Variants in WDFY4 observed in about 807,000 individuals in gnomAD.
WDFY4 encodes WD repeat- and FYVE domain-containing protein 4.
In WDFY4, 169 loss-of-function variants were observed where a neutral mutation model predicts 351.9. That is an observed-to-expected ratio of 0.48 (90% confidence interval 0.42 to 0.55). The LOEUF (loss-of-function observed/expected upper bound fraction) is 0.55. WDFY4 is among the 20% of genes least tolerant of loss of function. WDFY4 has a pLI of 0.00. For missense variants in WDFY4, 3,803 were observed against 3,935.6 expected, an observed-to-expected ratio of 0.97 and a Z score of 0.90; for synonymous variants, 1,622 against 1,574.6, an observed-to-expected ratio of 1.03 and a Z score of -0.71.
At chr10:48,823,579 T>G (rs956263315) in intron 35 of WDFY4, 1 of 1,065,876 alleles carries the variant, frequency 9.4e-7, no homozygotes, top group African/African-American at 1.6e-5. Flanking sequence ...CAAAGGCTTC[T>G]TCAGGAACAA....
At chr10:48,920,606 A>G (rs1838985510) in intron 47 of WDFY4, among the ~76,000 whole-genome samples, 1 of 152,262 alleles carries the variant, frequency 6.6e-6, no homozygotes, top group South Asian at 2.1e-4. Context: ...GTTTGGGACT[A>G]AGACAAGAGA....
chr10:48,893,980 C>G (rs940093195), intron 44 of WDFY4, among the ~76,000 whole-genome samples: 1 of 152,132 alleles, frequency 6.6e-6, no homozygotes, highest in Non-Finnish European at 1.5e-5. Flanking sequence ...TACCCAGTAC[C>G]CTTGACTGCC....
intron 43 of WDFY4, among the ~76,000 whole-genome samples, chr10:48,887,982 A>G (rs904087328): frequency 1.3e-5 from 2 of 152,248 alleles, no homozygotes; most frequent in African/African-American, 2.4e-5. Context: ...AGACAGCTCT[A>G]TGATAAATGA....
chr10:48,956,834 GT>G (rs1841613736), intron 51 of WDFY4, among the ~76,000 whole-genome samples: 1 of 152,202 alleles, frequency 6.6e-6, no homozygotes. Flanking sequence ...CTCAGATGTG[GT>G]TTTCCTGTTT....
intron 4 of WDFY4, among the ~76,000 whole-genome samples, chr10:48,721,663 G>A (rs1040605626): frequency 3.3e-5 from 5 of 152,152 alleles, no homozygotes; most frequent in Non-Finnish European, 7.4e-5. Context: ...TGGGGTTAGT[G>A]TAGGATTGAT....
At chr10:48,961,702 AAG>A (rs1464347201) in intron 53 of WDFY4, among the ~76,000 whole-genome samples, 1 of 152,178 alleles carries the variant, frequency 6.6e-6, no homozygotes, top group East Asian at 1.9e-4. Flanking sequence ...AGAAGAAGGG[AAG>A]ATATGGCCAG....
intron 39 of WDFY4, among the ~76,000 whole-genome samples, chr10:48,847,587 C>A (rs888847797): frequency 3.9e-5 from 6 of 151,914 alleles, no homozygotes; most frequent in African/African-American, 1.5e-4. Context: ...AGAATGAGGC[C>A]GACAGAGATG....
At position 48,806,141 on chromosome 10, in the gene WDFY4, G is replaced by A. The variant is rs180831392; in HGVS notation, c.4738+46G>A. ...TCGAAGGCAGTAGGACGGCCCTCAC[G>A]GAACCCCTGAGAGGCCCACATTGTG... On this transcript the variant is annotated intron_variant, in intron 27 of 61. Coordinates refer to ENST00000325239, the MANE Select transcript of WDFY4 (RefSeq NM_001394531.1). The A allele has an allele frequency of 1.8e-3, 2,766 of 1,535,198 alleles. 6 individuals are homozygous for A. Among genetic ancestry groups the A allele is most frequent in the Non-Finnish European group, 1.6e-3 (1,817 of 1,132,146 alleles).
intron 36 of WDFY4, among the ~76,000 whole-genome samples, chr10:48,827,834 C>A (rs2068055612): frequency 6.6e-6 from 1 of 151,808 alleles, no homozygotes; most frequent in African/African-American, 2.4e-5. Context: ...CAGAGAGGCA[C>A]TTGTCTTTGT....
chr10:48,787,891 CTCCTTCTTCTTCTTCTTCTTCTTCTTCTT>C lies in WDFY4; in HGVS notation c.3809-638_3809-610del, dbSNP rs2066494709. Among the ~76,000 whole-genome samples the C allele has an allele frequency of 5.2e-4, 35 of 66,802 alleles. 2 individuals carry two copies. The highest frequency in any genetic ancestry group is 3.3e-3 in the African/African-American group (33 of 10,056). The allele number at this position is 66,802 out of a possible 152,430, so 43.8% of individuals were successfully genotyped here. ...TCTTTCTTCTTTCTTTCTTCTTCTT[CTCCTTCTTCTTCTTCTTCTTCTTCTTCTT>C]CTTCTTCTTCTTCTTCTTCTTCTTC... On this transcript the variant is annotated intron_variant, in intron 20 of 61. Transcript: ENST00000325239.
chr10:48,913,582 T>A, intron 47 of WDFY4: 1 of 1,614,184 alleles, frequency 6.2e-7, no homozygotes, highest in Non-Finnish European at 8.5e-7. Context: ...AGCCTCCTGA[T>A]GGAGTCTATG....
rs548791951 is a variant in WDFY4, at chr10:48,726,164, A to T, written c.781+94A>T. 59 of 1,375,042 alleles carry T rather than the reference A, an allele frequency of 4.3e-5. 2 individuals carry two copies. The South Asian group carries it at 7.8e-4, about 18-fold the overall frequency. 85.2% of individuals were successfully genotyped at this position (1,375,042 alleles called of 1,614,324 possible). ...CTGAGGGCCCACTTTCTACAATGAG[A>T]CTTGGGATGCTCTTGCAGCCTCTTA... On this transcript the variant is annotated intron_variant, in intron 6 of 61. Coordinates refer to ENST00000325239, the MANE Select transcript of WDFY4 (RefSeq NM_001394531.1).
At chr10:48,702,489 G>A (rs1414496129) in intron 1 of WDFY4, among the ~76,000 whole-genome samples, 1 of 152,162 alleles carries the variant, frequency 6.6e-6, no homozygotes, top group Admixed American at 6.5e-5. Flanking sequence ...ACAGTGGGTA[G>A]CCTCTTGGGG....
chr10:48,967,319 C>A (rs1025169823), intron 55 of WDFY4: 1 of 152,314 alleles, frequency 6.6e-6, no homozygotes. Flanking sequence ...ATAAATGAGC[C>A]TGCAGAGAGT....
chr10:48,880,032 A>G (rs1046891335), intron 43 of WDFY4, among the ~76,000 whole-genome samples: 2 of 152,196 alleles, frequency 1.3e-5, no homozygotes, highest in African/African-American at 4.8e-5. Flanking sequence ...CCTTCAGAGC[A>G]GTGTGGGTGT....
chr10:48,845,022 G>C (rs980742334), intron 39 of WDFY4, among the ~76,000 whole-genome samples: 1 of 152,190 alleles, frequency 6.6e-6, no homozygotes, highest in Admixed American at 6.5e-5. Context: ...TCCAACATCT[G>C]GGGGAGGAGA....
In WDFY4 at chr10:48,832,569, T is replaced by C. The variant is rs2068226926; in HGVS notation, c.6527-4T>C. The C allele has an allele frequency of 6.5e-7, 1 of 1,541,834 alleles. No homozygotes were observed. Among genetic ancestry groups the C allele is most frequent in the Non-Finnish European group, 8.8e-7 (1 of 1,140,628 alleles). ...TCTGACATTCTTTGCTTCCCTTCCC[T>C]CAGCATCTGAGAAGAAGTCACTGGC... On this transcript the variant is annotated splice_region_variant and splice_polypyrimidine_tract_variant and intron_variant, in intron 38 of 61. Transcript: ENST00000325239.
Position 48,901,829 on chromosome 10 carries a change from G to A in WDFY4, c.7552G>A (p.Gly2518Arg). 1 of 1,551,566 alleles carries A rather than the reference G, an allele frequency of 6.4e-7. No individual in the cohort carries two copies. The highest frequency in any genetic ancestry group is 8.7e-7 in the Non-Finnish European group (1 of 1,146,876). ...SFCSFQPSLK[G>R]KATSEDTLSL... Reference sequence around the variant, plus strand: ...CTGCTCTTTCCAACCCAGCCTGAAGGGGAAAGCCACCTCGGAGGACACCCT... The same window carrying A: ...CTGCTCTTTCCAACCCAGCCTGAAGAGGAAAGCCACCTCGGAGGACACCCT... The change falls in exon 47 of 62, where the codon GGG (glycine) becomes AGG (arginine). Residue 2518 changes from glycine (G) to arginine (R), a missense_variant. Physicochemically the swap from Gly to Arg is moderately radical, Grantham distance 125 (BLOSUM62 -2). Coordinates refer to ENST00000325239, the MANE Select transcript of WDFY4 (RefSeq NM_001394531.1).
chr10:48,815,928 G>A (rs2067605996), intron 31 of WDFY4, among the ~76,000 whole-genome samples: 1 of 152,058 alleles, frequency 6.6e-6, no homozygotes, highest in South Asian at 2.1e-4. Context: ...TTTGACATCA[G>A]TATTATGCTA....
Sources: allele counts gnomAD v4.1 joint callset (sites outside exome capture counted in the v4.1 genomes callset), GRCh38; gene constraint gnomAD v4.1.1; transcripts MANE v1.5; gene names NCBI Gene and HGNC (gene_info 2026-07-23, HGNC 2026-07-21).